Variants in GPRC5A observed in about 807,000 individuals in gnomAD.
GPRC5A encodes retinoic acid-induced protein 3.
GPRC5A carries 19 observed loss-of-function variants against 22.5 expected under a neutral mutation model. That is an observed-to-expected ratio of 0.85 (90% confidence interval 0.59 to 1.24). The LOEUF (loss-of-function observed/expected upper bound fraction) is 1.24. Among genes scored for constraint, GPRC5A ranks in the 50% most tolerant of loss-of-function variants. The pLI is 0.00. For missense variants in GPRC5A, 471 were observed against 451.1 expected, an observed-to-expected ratio of 1.04 and a Z score of -0.40; for synonymous variants, 192 against 184.5, an observed-to-expected ratio of 1.04 and a Z score of -0.33.
At chr12:12,911,465 A>G (rs1364858779) in intron 2 of GPRC5A, among the ~76,000 whole-genome samples, 1 of 151,928 alleles carries the variant, frequency 6.6e-6, no homozygotes, top group Non-Finnish European at 1.5e-5. Context: ...TATATCTGAA[A>G]TGACTGGTTT....
rs1864051031 is a variant in GPRC5A at position 12,915,152 on chromosome 12, C to T, written c.*2613C>T. 6.6e-6 allele frequency: 1 copy of T among 151,636 alleles called. No individual in the cohort carries two copies. Among genetic ancestry groups the T allele is most frequent in the Non-Finnish European group, 1.5e-5 (1 of 68,084 alleles). 9.4% of individuals were successfully genotyped at this position (151,636 alleles called of 1,614,324 possible). The stretch of plus-strand genomic sequence containing the variant: ...TCTCCTGCCTCAGTCTCCTGAGTAG[C>T]TGGGACCACAGACGTGCACTACCAC... On this transcript the variant is annotated 3_prime_UTR_variant, in exon 4 of 4. Transcript: ENST00000014914.
At position 12,913,279 on chromosome 12, in the gene GPRC5A, CCT is replaced by C. The variant is rs1864026468; in HGVS notation, c.*742_*743del. On this transcript the variant is annotated 3_prime_UTR_variant, in exon 4 of 4. Coordinates refer to ENST00000014914, the MANE Select transcript of GPRC5A (RefSeq NM_003979.4). The stretch of plus-strand genomic sequence containing the variant: ...AAATTTACTCATCTCTCTAGTGCTG[CCT>C]CACATTGGGCCTCAGCAGCTCCCCA... 1 of 152,834 alleles carries C rather than the reference CCT, an allele frequency of 6.5e-6. No homozygotes were observed. Among genetic ancestry groups the C allele is most frequent in the South Asian group, 2.1e-4 (1 of 4,818 alleles). 9.5% of individuals were successfully genotyped at this position (152,834 alleles called of 1,614,324 possible).
intron 1 of GPRC5A, among the ~76,000 whole-genome samples, chr12:12,906,581 A>G (rs1223009796): frequency 6.6e-6 from 1 of 152,168 alleles, no homozygotes; most frequent in African/African-American, 2.4e-5. Flanking sequence ...AAAAAGGAGT[A>G]AAAATTGGAG....
rs1461422237 is a variant in GPRC5A, at chr12:12,917,391, A to G, written c.*4852A>G. 6.6e-6 allele frequency: 1 copy of G among 152,114 alleles called. No homozygotes were observed. Among genetic ancestry groups the G allele is most frequent in the Non-Finnish European group, 1.5e-5 (1 of 68,054 alleles). The allele number at this position is 152,114 out of a possible 1,614,324, so 9.4% of individuals were successfully genotyped here. A position where few individuals can be genotyped will look rare whatever the true frequency, so the allele number is the denominator to read the frequency against. On this transcript the variant is annotated 3_prime_UTR_variant, in exon 4 of 4. Coordinates refer to ENST00000014914, the MANE Select transcript of GPRC5A (RefSeq NM_003979.4). ...CAGAAATCCTCTAGTTGGTGCCTCCACAGTCTTCATTTTACAGAGGAACTC... is the reference window on the plus strand; with the variant it reads ...CAGAAATCCTCTAGTTGGTGCCTCCGCAGTCTTCATTTTACAGAGGAACTC...
intron 1 of GPRC5A, chr12:12,892,077 G>A (rs939340066): frequency 4.6e-5 from 7 of 152,442 alleles, no homozygotes; most frequent in Admixed American, 3.9e-4. Flanking sequence ...GAAACAAGGG[G>A]CAGGGGCAGG....
intron 1 of GPRC5A, among the ~76,000 whole-genome samples, chr12:12,901,607 C>T (rs577630543): frequency 4.6e-5 from 7 of 152,134 alleles, no homozygotes; most frequent in East Asian, 1.9e-4. Flanking sequence ...GGAGAGACAA[C>T]GTTTAATGAC....
chr12:12,909,009 T>C lies in GPRC5A; in HGVS notation c.760T>C (p.Trp254Arg). The C allele has an allele frequency of 1.9e-6, 3 of 1,614,054 alleles. No individual in the cohort carries two copies. The highest frequency in any genetic ancestry group is 2.5e-6 in the Non-Finnish European group (3 of 1,180,034). The change falls in exon 2 of 4, where the codon TGG becomes CGG. Residue 254 changes from tryptophan (W) to arginine (R), a missense_variant. Coordinates refer to ENST00000014914, the MANE Select transcript of GPRC5A (RefSeq NM_003979.4). ...CAGCTCCGCCTTGGCTGCCAATGGC[T>C]GGGTGTTCCTGTTGGCTTATGTTAG... ...ILSSALAANG[W>R]VFLLAYVSPE... is the part of the protein sequence containing the mutation.
chr12:12,906,570 C>G (rs765756682), intron 1 of GPRC5A, among the ~76,000 whole-genome samples: 89 of 152,130 alleles, frequency 5.9e-4, no homozygotes, highest in South Asian at 1.2e-3. Flanking sequence ...CCCATCCCCC[C>G]AAAAAGGAGT....
At chr12:12,905,464 A>G (rs1863931797) in intron 1 of GPRC5A, among the ~76,000 whole-genome samples, 1 of 152,200 alleles carries the variant, frequency 6.6e-6, no homozygotes, top group Non-Finnish European at 1.5e-5. Flanking sequence ...AAACTCAAGA[A>G]AAAAAATCCC....
intron 1 of GPRC5A, among the ~76,000 whole-genome samples, chr12:12,905,035 C>T (rs1238773513): frequency 1.3e-5 from 2 of 151,988 alleles, no homozygotes; most frequent in Non-Finnish European, 2.9e-5. Context: ...CAGGTGCGTG[C>T]CACTATGCCT....
At chr12:12,902,967 T>C (rs1863905072) in intron 1 of GPRC5A, among the ~76,000 whole-genome samples, 1 of 152,096 alleles carries the variant, frequency 6.6e-6, no homozygotes, top group Non-Finnish European at 1.5e-5. Context: ...CTCGGGAGGC[T>C]GAGGTAGGAG....
chr12:12,909,108 C>T lies in GPRC5A; in HGVS notation c.859C>T (p.Gln287Ter). The change falls in exon 2 of 4, where the codon CAA becomes TAA. Residue 287 changes from glutamine (Q) to a stop codon, truncating the protein, a stop_gained. Transcript: ENST00000014914. LOFTEE classifies it high-confidence loss of function. ...TGTTGAGGATGCTTTCTGTAAACCT[C>T]AACTCGTGAAGAAGAGCTATGGTGT... ...YPVEDAFCKP[Q>*]LVKKSYGVEN... 3.1e-6 allele frequency: 5 copies of T among 1,601,470 alleles called. No individual in the cohort carries two copies. The highest frequency in any genetic ancestry group is 4.2e-6 in the Non-Finnish European group (5 of 1,179,758).
intron 1 of GPRC5A, among the ~76,000 whole-genome samples, chr12:12,907,205 G>A (rs1863951081): frequency 6.6e-6 from 1 of 151,708 alleles, no homozygotes; most frequent in Admixed American, 6.6e-5. Flanking sequence ...AGACCATCAT[G>A]GGTAACACGG....
rs563392948 is a variant in GPRC5A, at chr12:12,891,683, G to T, written c.-8+19G>T. On this transcript the variant is annotated intron_variant, in intron 1 of 3. Transcript: ENST00000014914. ...CACTAGGGTAAGTGAGGCGCCAGGA[G>T]CCCAGAGCGCTGGGGCCTCCGGATT... 14 of 152,328 alleles carry T rather than the reference G, an allele frequency of 9.2e-5. No individual in the cohort carries two copies. The highest frequency in any genetic ancestry group is 3.4e-4 in the African/African-American group (14 of 41,574). The allele number at this position is 152,328 out of a possible 1,614,324, so 9.4% of individuals were successfully genotyped here. A position where few individuals can be genotyped will look rare whatever the true frequency, so the allele number is the denominator to read the frequency against.
rs1433751090 is a variant in GPRC5A, at chr12:12,891,676, G to T, written c.-8+12G>T. 6.6e-6 allele frequency: 1 copy of T among 152,196 alleles called. No homozygotes were observed. Among genetic ancestry groups the T allele is most frequent in the Non-Finnish European group, 1.5e-5 (1 of 68,062 alleles). The allele number at this position is 152,196 out of a possible 1,614,324, so 9.4% of individuals were successfully genotyped here. A position where few individuals can be genotyped will look rare whatever the true frequency, so the allele number is the denominator to read the frequency against. On this transcript the variant is annotated intron_variant, in intron 1 of 3. Coordinates refer to ENST00000014914, the MANE Select transcript of GPRC5A (RefSeq NM_003979.4). The stretch of plus-strand genomic sequence containing the variant: ...GCCTTGGCACTAGGGTAAGTGAGGC[G>T]CCAGGAGCCCAGAGCGCTGGGGCCT...
At chr12:12,903,635 T>C (rs1863911747) in intron 1 of GPRC5A, among the ~76,000 whole-genome samples, 1 of 152,196 alleles carries the variant, frequency 6.6e-6, no homozygotes, top group South Asian at 2.1e-4. Context: ...CATTCCCTGT[T>C]GCATGATTGG....
rs997134668 is a variant in GPRC5A at position 12,914,132 on chromosome 12, A to G, written c.*1593A>G. The G allele has an allele frequency of 6.6e-6, 1 of 152,336 alleles. No individual in the cohort carries two copies. The highest frequency in any genetic ancestry group is 2.4e-5 in the African/African-American group (1 of 41,466). The allele number at this position is 152,336 out of a possible 1,614,324, so 9.4% of individuals were successfully genotyped here. A position where few individuals can be genotyped will look rare whatever the true frequency, so the allele number is the denominator to read the frequency against. ...AGGAAATCTCTCTTTCGTTATGGAA[A>G]AAAAATAATCCCTCTACATAGAAAC... On this transcript the variant is annotated 3_prime_UTR_variant, in exon 4 of 4. Transcript: ENST00000014914.
chr12:12,898,275 G>A (rs2136456418), intron 1 of GPRC5A, among the ~76,000 whole-genome samples: 1 of 152,346 alleles, frequency 6.6e-6, no homozygotes, highest in South Asian at 2.1e-4. Context: ...GCTTGTGCCT[G>A]TAATCCCAGT....
intron 1 of GPRC5A, among the ~76,000 whole-genome samples, chr12:12,894,917 T>G (rs1278498096): frequency 6.6e-6 from 1 of 151,552 alleles, no homozygotes; most frequent in Non-Finnish European, 1.5e-5. Context: ...TAGCTGGGAC[T>G]ACAGGTGCCC....
Sources: gnomAD v4.1 joint callset for allele counts (sites outside exome capture counted in the v4.1 genomes callset) on GRCh38, gnomAD v4.1.1 for gene constraint, MANE v1.5 for transcripts, NCBI Gene and HGNC (gene_info 2026-07-23, HGNC 2026-07-21) for gene names.